Variants in SYT14 observed in about 807,000 individuals in gnomAD.
SYT14 encodes the protein synaptotagmin 14.
SYT14 carries 32 observed loss-of-function variants against 74.2 expected under a neutral mutation model. The ratio of observed to expected loss-of-function variants is 0.43; its 90% CI spans 0.33 to 0.58. The LOEUF is 0.58. Among genes scored for constraint, SYT14 ranks in the 20% least tolerant of loss-of-function variants. The pLI, the probability that SYT14 is intolerant of heterozygous loss-of-function variation, is 0.05. For synonymous variants in SYT14, 298 were observed against 337.7 expected (o/e 0.88, Z 1.29); for missense variants, 791 against 981.8 (o/e 0.81, Z 2.60).
At chr1:209,946,246 C>T (rs2078821961) in intron 1 of SYT14, among the ~76,000 whole-genome samples, 2 of 152,198 alleles carry the variant, frequency 1.3e-5, no homozygotes, top group Admixed American at 1.3e-4. Context: ...ACATGTCTCT[C>T]ACTTTAAATC....
chr1:209,938,217 G>C (rs1347364190), exon 1 of SYT14: 1 of 1,511,620 alleles, frequency 6.6e-7, no homozygotes, highest in South Asian at 1.2e-5. Context: ...CAGCCCTCGC[G>C]TCTGCTGCCC....
intron 7 of SYT14, among the ~76,000 whole-genome samples, chr1:210,136,492 G>A (rs1189865039): frequency 6.6e-6 from 1 of 152,150 alleles, no homozygotes; most frequent in Non-Finnish European, 1.5e-5. Context: ...ATCCCATTGT[G>A]TGATGCTTTT....
chr1:209,958,805 T>C (rs893200793), intron 2 of SYT14, among the ~76,000 whole-genome samples: 8 of 152,234 alleles, frequency 5.3e-5, no homozygotes, highest in Non-Finnish European at 1.2e-4. Context: ...GTTATACTTT[T>C]TATTTCTTTG....
chr1:209,946,546 G>A (rs1404759341), intron 1 of SYT14, among the ~76,000 whole-genome samples: 4 of 152,218 alleles, frequency 2.6e-5, no homozygotes, highest in African/African-American at 9.7e-5. Flanking sequence ...CTTCAATTCT[G>A]TGAATGCTGA....
At chr1:210,050,206 C>G (rs1032919509) in intron 5 of SYT14, among the ~76,000 whole-genome samples, 8 of 152,140 alleles carry the variant, frequency 5.3e-5, no homozygotes, top group African/African-American at 1.9e-4. Flanking sequence ...CGCCAGATAC[C>G]CTAAATCATC....
Position 210,025,666 on chromosome 1 carries a change from C to T in SYT14, c.1312+4412C>T, listed in dbSNP as rs779234376. 3.4e-4 allele frequency among the ~76,000 whole-genome samples: 52 copies of T among 152,048 alleles called. 2 individuals are homozygous for T. The highest frequency in any genetic ancestry group is 2.0e-4 in the Admixed American group (3 of 15,276). ...GGACCTGAAGAGGTATTAGGAGAGA[C>T]CAGTGCAAGAGAACTTTTACCAGGT... On this transcript the variant is annotated intron_variant, in intron 5 of 9. Coordinates refer to ENST00000637265, the Ensembl canonical transcript of SYT14.
chr1:210,141,747 A>G (rs1266849800), intron 7 of SYT14, among the ~76,000 whole-genome samples: 1 of 152,222 alleles, frequency 6.6e-6, no homozygotes, highest in East Asian at 1.9e-4. Flanking sequence ...CAATGCTCCA[A>G]GAGTCAGTTT....
At chr1:209,975,672 G>T (rs1472411762) in intron 2 of SYT14, among the ~76,000 whole-genome samples, 2 of 151,878 alleles carry the variant, frequency 1.3e-5, no homozygotes, top group African/African-American at 2.4e-5. Context: ...TCTCTTTTTT[G>T]GTTGTGTCTC....
At chr1:210,045,877 T>C (rs1340043964) in intron 5 of SYT14, among the ~76,000 whole-genome samples, 6 of 152,294 alleles carry the variant, frequency 3.9e-5, no homozygotes, top group Non-Finnish European at 1.5e-5. Flanking sequence ...ATATTTTCAT[T>C]AATTCTCAGA....
chr1:210,076,013 G>A (rs2081494421), intron 5 of SYT14, among the ~76,000 whole-genome samples: 1 of 152,120 alleles, frequency 6.6e-6, no homozygotes, highest in Non-Finnish European at 1.5e-5. Flanking sequence ...TTTGATGGCA[G>A]CATTCTATCT....
intron 5 of SYT14, among the ~76,000 whole-genome samples, chr1:210,054,864 TTC>T (rs1235250811): frequency 6.6e-6 from 1 of 152,226 alleles, no homozygotes; most frequent in Non-Finnish European, 1.5e-5. Flanking sequence ...TTTCACTTAA[TTC>T]TCTGTTTTCA....
chr1:210,133,985 T>C lies in SYT14; in HGVS notation c.2035-21736T>C, dbSNP rs575027224. On this transcript the variant is annotated intron_variant, in intron 7 of 9. Transcript: ENST00000637265. ...TGTATAGGCAGAGACAGAGGAGCTT[T>C]TGGCAGGATTACAACATTATTCATG... Among the ~76,000 whole-genome samples the C allele has an allele frequency of 3.3e-5, 5 of 152,128 alleles. No homozygotes were observed. In the East Asian group the frequency reaches 9.7e-4, roughly 29 times the overall value.
At chr1:210,140,478 G>A (rs1374039026) in intron 7 of SYT14, among the ~76,000 whole-genome samples, 1 of 152,032 alleles carries the variant, frequency 6.6e-6, no homozygotes, top group South Asian at 2.1e-4. Context: ...ACTTGATGAT[G>A]TTCTATGAAG....
chr1:210,063,338 A>T (rs868526666), intron 5 of SYT14, among the ~76,000 whole-genome samples: 1 of 151,762 alleles, frequency 6.6e-6, no homozygotes, highest in Non-Finnish European at 1.5e-5. Context: ...TTAATCACTG[A>T]TTTGAAATAC....
At chr1:210,117,184 A>G (rs899702357) in intron 7 of SYT14, among the ~76,000 whole-genome samples, 4 of 152,220 alleles carry the variant, frequency 2.6e-5, no homozygotes, top group East Asian at 1.9e-4. Flanking sequence ...TAAAATTCCT[A>G]TGTGTCAGAA....
At chr1:210,159,685 T>C (rs553600323) in intron 9 of SYT14, among the ~76,000 whole-genome samples, 1 of 152,314 alleles carries the variant, frequency 6.6e-6, no homozygotes, top group South Asian at 2.1e-4. Flanking sequence ...AGCAAAACTT[T>C]TTAAAATAAA....
chr1:209,941,827 C>T (rs2078735356), intron 1 of SYT14, among the ~76,000 whole-genome samples: 2 of 152,124 alleles, frequency 1.3e-5, no homozygotes, highest in African/African-American at 4.8e-5. Context: ...TTCCAGGTCC[C>T]CTGGAGACAC....
At chr1:210,086,762 A>T (rs966487307) in intron 5 of SYT14, among the ~76,000 whole-genome samples, 1 of 152,182 alleles carries the variant, frequency 6.6e-6, no homozygotes, top group Non-Finnish European at 1.5e-5. Context: ...ATATGCACAC[A>T]TATATGCACA....
intron 7 of SYT14, among the ~76,000 whole-genome samples, chr1:210,101,393 C>T (rs930775688): frequency 7.9e-5 from 12 of 152,046 alleles, no homozygotes; most frequent in African/African-American, 2.4e-4. Flanking sequence ...GTGTAAGCTT[C>T]GGTCCAAGTA....
Sources: allele counts gnomAD v4.1 joint callset (sites outside exome capture counted in the v4.1 genomes callset), GRCh38; gene constraint gnomAD v4.1.1; transcripts MANE v1.5; gene names NCBI Gene and HGNC (gene_info 2026-07-23, HGNC 2026-07-21).